DLC1: variants seen among roughly 807,000 people sequenced by gnomAD.
DLC1 encodes DLC1 Rho GTPase activating protein.
Under a neutral mutation model 140.3 loss-of-function variants are expected in DLC1, and 54 were observed. That is an observed-to-expected ratio of 0.38 (90% CI 0.31 to 0.48). The LOEUF (loss-of-function observed/expected upper bound fraction) is 0.48, where lower values mean the gene tolerates loss of function less well. DLC1 is among the 20% of genes least tolerant of loss of function. DLC1 has a pLI of 0.96. For missense variants in DLC1, 2,536 were observed against 1,907.0 expected, an observed-to-expected ratio of 1.33 and a Z score of -6.14; for synonymous variants, 986 against 728.1, an observed-to-expected ratio of 1.35 and a Z score of -5.70.
intron 1 of DLC1, among the ~76,000 whole-genome samples, chr8:13,551,571 C>T (rs1035697705): frequency 6.6e-6 from 1 of 151,908 alleles, no homozygotes; most frequent in African/African-American, 2.4e-5. Context: ...TTGCTCTCAA[C>T]TATAAAACTT....
intron 5 of DLC1, among the ~76,000 whole-genome samples, chr8:13,181,590 G>T (rs1424041285): frequency 6.7e-6 from 1 of 149,900 alleles, no homozygotes; most frequent in Non-Finnish European, 1.5e-5. Context: ...TGTGGTGTTT[G>T]GTTTTCTGTC....
intron 3 of DLC1, among the ~76,000 whole-genome samples, chr8:13,394,078 C>T (rs183548293): frequency 1.3e-5 from 2 of 152,174 alleles, no homozygotes; most frequent in Non-Finnish European, 2.9e-5. Context: ...TACAGCGCTG[C>T]CCAGAGTTCC....
chr8:13,200,568 C>T (rs553390240), intron 5 of DLC1, among the ~76,000 whole-genome samples: 1 of 152,114 alleles, frequency 6.6e-6, no homozygotes, highest in African/African-American at 2.4e-5. Flanking sequence ...TCACTGTCTA[C>T]GAGACTGATT....
chr8:13,595,097 C>G (rs1444613268), intron 1 of DLC1, among the ~76,000 whole-genome samples: 1 of 151,816 alleles, frequency 6.6e-6, no homozygotes, highest in Non-Finnish European at 1.5e-5. Context: ...AATGTAATGA[C>G]CAATGATCAC....
At chr8:13,251,556 G>T (rs1461727250) in intron 5 of DLC1, among the ~76,000 whole-genome samples, 1 of 152,096 alleles carries the variant, frequency 6.6e-6, no homozygotes, top group Non-Finnish European at 1.5e-5. Context: ...CTGCATTGAG[G>T]CAAGGTCCTT....
chr8:13,353,956 A>G (rs191771343), intron 4 of DLC1, among the ~76,000 whole-genome samples: 1 of 152,134 alleles, frequency 6.6e-6, no homozygotes, highest in African/African-American at 2.4e-5. Context: ...GTTGAAAGTG[A>G]AAGAGGCTGA....
chr8:13,270,543 G>A (rs1586044924), intron 5 of DLC1, among the ~76,000 whole-genome samples: 3 of 152,028 alleles, frequency 2.0e-5, no homozygotes, highest in Admixed American at 6.6e-5. Flanking sequence ...TTCAGATATC[G>A]TATATCTAGC....
At chr8:13,231,219 GAA>G (rs890964027) in intron 5 of DLC1, among the ~76,000 whole-genome samples, 5 of 144,136 alleles carry the variant, frequency 3.5e-5, no homozygotes, top group African/African-American at 1.3e-4. Flanking sequence ...ACAGGAAGAT[GAA>G]AAAAAAAAAA....
chr8:13,338,499 T>A (rs776843743), intron 4 of DLC1: 15 of 152,142 alleles, frequency 9.9e-5, no homozygotes, highest in Non-Finnish European at 2.2e-4. Context: ...GTGGAACATA[T>A]TACATATTAT....
intron 2 of DLC1, among the ~76,000 whole-genome samples, chr8:13,471,056 T>C (rs1800183261): frequency 6.6e-6 from 1 of 152,180 alleles, no homozygotes; most frequent in Middle Eastern, 3.4e-3. Context: ...AGATACTGCA[T>C]GTTCTCAATT....
chr8:13,441,072 C>T (rs1585112676), intron 2 of DLC1, among the ~76,000 whole-genome samples: 1 of 152,124 alleles, frequency 6.6e-6, no homozygotes, highest in Non-Finnish European at 1.5e-5. Flanking sequence ...ATAATTCTAC[C>T]AAACTACCAC....
intron 5 of DLC1, among the ~76,000 whole-genome samples, chr8:13,301,508 T>C (rs1354923302): frequency 6.6e-6 from 1 of 152,234 alleles, no homozygotes; most frequent in Non-Finnish European, 1.5e-5. Flanking sequence ...CAAGCATTGT[T>C]GCCTTACATC....
intron 2 of DLC1, among the ~76,000 whole-genome samples, chr8:13,490,978 A>AATTTATATAAATTTATATAAAT (rs1554530601): frequency 4.8e-5 from 7 of 145,800 alleles, no homozygotes; most frequent in Non-Finnish European, 1.1e-4. Flanking sequence ...AATTTATATA[A>AATTTATATAAATTTATATAAAT]ATATATATAT....
intron 2 of DLC1, among the ~76,000 whole-genome samples, chr8:13,497,238 C>T (rs112084714): frequency 2.0e-5 from 3 of 152,174 alleles, no homozygotes; most frequent in South Asian, 2.1e-4. Context: ...CTAAAAATGG[C>T]GAATTGCCAA....
intron 5 of DLC1, among the ~76,000 whole-genome samples, chr8:13,264,051 T>TA (rs752046482): frequency 0.016 from 2,267 of 143,844 alleles, 16 homozygotes; most frequent in African/African-American, 0.026. Flanking sequence ...AATAAGAAGC[T>TA]TTTTATTTAT....
chr8:13,231,413 G>A (rs572856296), intron 5 of DLC1, among the ~76,000 whole-genome samples: 2 of 152,230 alleles, frequency 1.3e-5, no homozygotes, highest in East Asian at 3.9e-4. Flanking sequence ...CTTCTTCTGT[G>A]ATCTCCTTTG....
intron 5 of DLC1, among the ~76,000 whole-genome samples, chr8:13,278,238 C>G (rs895559382): frequency 6.6e-6 from 1 of 152,170 alleles, no homozygotes; most frequent in East Asian, 1.9e-4. Flanking sequence ...AAATGAAAAT[C>G]CTCTATTAAA....
chr8:13,190,308 G>C (rs1369151255), intron 5 of DLC1, among the ~76,000 whole-genome samples: 1 of 152,068 alleles, frequency 6.6e-6, no homozygotes, highest in African/African-American at 2.4e-5. Context: ...ATATCTATGG[G>C]GTGCCTCTGG....
At chr8:13,086,524 G>A (rs926689246) in intron 16 of DLC1, 61 bp from the exon 17 acceptor site, 29 of 1,581,196 alleles carry the variant, frequency 1.8e-5, no homozygotes, top group African/African-American at 1.5e-4. Flanking sequence ...GTTTAAAATC[G>A]TGCTTCACTC....
Sources: gnomAD v4.1 joint callset for allele counts (sites outside exome capture counted in the v4.1 genomes callset) on GRCh38, gnomAD v4.1.1 for gene constraint, MANE v1.5 for transcripts, NCBI Gene and HGNC (gene_info 2026-07-23, HGNC 2026-07-21) for gene names.